OOSP4B: variants seen among roughly 807,000 people sequenced by gnomAD.
OOSP4B encodes the protein oocyte secreted protein family member 4B.
At chr11:60,018,684 C>G (rs1413313841) in intron 1 of OOSP4B, among the ~76,000 whole-genome samples, 1 of 152,200 alleles carries the variant, frequency 6.6e-6, no homozygotes, top group African/African-American at 2.4e-5. Flanking sequence ...TATCAAATCT[C>G]AAACCTGCGA....
At chr11:60,020,721 G>A (rs1250987164) in intron 1 of OOSP4B, among the ~76,000 whole-genome samples, 4 of 152,366 alleles carry the variant, frequency 2.6e-5, no homozygotes, top group Admixed American at 6.5e-5. Context: ...CGCCAAGGCC[G>A]AGGAGGCGTG....
chr11:60,030,313 G>A (rs1025758997), intron 4 of OOSP4B, among the ~76,000 whole-genome samples: 1 of 152,116 alleles, frequency 6.6e-6, no homozygotes, highest in African/African-American at 2.4e-5. Context: ...TAGGCAGATA[G>A]GTAAACTAGG....
intron 1 of OOSP4B, chr11:60,019,513 C>T (rs555916121): frequency 4.6e-4 from 71 of 155,838 alleles, no homozygotes; most frequent in Middle Eastern, 3.1e-3. Flanking sequence ...CGGATGTGTT[C>T]GGCGTTTTCT....
intron 2 of OOSP4B, 59 bp downstream of exon 2, chr11:60,024,120 T>G: frequency 2.5e-6 from 1 of 398,270 alleles, no homozygotes; most frequent in Admixed American, 4.4e-5. Flanking sequence ...CAGGGCTACA[T>G]AGTATCAAAA....
intron 1 of OOSP4B, chr11:60,021,571 C>T (rs1784805095): frequency 6.6e-6 from 1 of 152,182 alleles, no homozygotes; most frequent in Non-Finnish European, 1.5e-5. Flanking sequence ...GGGCCAGCCA[C>T]GTTATGTACC....
At chr11:60,021,658 C>T (rs2134623813) in intron 1 of OOSP4B, 1 of 152,270 alleles carries the variant, frequency 6.6e-6, no homozygotes, top group African/African-American at 2.4e-5. Flanking sequence ...ATTATCTGTC[C>T]TATCTCAGGT....
At chr11:60,028,484 G>A (rs1007871314) in intron 3 of OOSP4B, among the ~76,000 whole-genome samples, 2 of 152,092 alleles carry the variant, frequency 1.3e-5, no homozygotes, top group Non-Finnish European at 2.9e-5. Context: ...CTGCTTTTAT[G>A]CAATGTAAAT....
At chr11:60,029,375 C>T (rs865903457) in intron 3 of OOSP4B, among the ~76,000 whole-genome samples, 9 of 152,100 alleles carry the variant, frequency 5.9e-5, no homozygotes, top group South Asian at 4.1e-4. Flanking sequence ...GTCTCTATTT[C>T]CTGCCTAAGA....
Position 60,017,238 on chromosome 11 carries a change from A to G in OOSP4B, c.-154A>G, listed in dbSNP as rs962129385. ...TGCAGCTACTGCCAGCTGATGGGCC[A>G]TGTTTTGAGAAGATGCTAAGGGGTT... On this transcript the variant is annotated 5_prime_UTR_variant, in exon 1 of 5. The change abolishes an upstream ATG in the 5' untranslated region. Transcript: ENST00000642343. The G allele has an allele frequency of 2.5e-5, 10 of 396,384 alleles. No homozygotes were observed. Among genetic ancestry groups the G allele is most frequent in the African/African-American group, 8.2e-5 (4 of 48,626 alleles). 24.6% of individuals were successfully genotyped at this position (396,384 alleles called of 1,614,324 possible).
At chr11:60,030,888 C>T (rs1357434713) in exon 5 of OOSP4B, 4 of 398,090 alleles carry the variant, frequency 1.0e-5, no homozygotes, top group Admixed American at 4.4e-5. Context: ...AGTGATACAT[C>T]TTGTCTGAAA....
At position 60,030,788 on chromosome 11, in the gene OOSP4B, C is replaced by G. The variant is rs748335466; in HGVS notation, c.451-14C>G. 2.0e-5 allele frequency: 8 copies of G among 398,022 alleles called. No homozygotes were observed. The Middle Eastern group carries it at 1.9e-3, about 94-fold the overall frequency. 24.7% of individuals were successfully genotyped at this position (398,022 alleles called of 1,614,324 possible). ...TTAAGCAGCTCTTAACTGCTTTTCCCCCCTATCCTACAGGAGCAACTATCC... is the reference window on the plus strand; with the variant it reads ...TTAAGCAGCTCTTAACTGCTTTTCCGCCCTATCCTACAGGAGCAACTATCC... On this transcript the variant is annotated splice_polypyrimidine_tract_variant and intron_variant, in intron 4 of 4. Coordinates refer to ENST00000642343, the Ensembl canonical transcript of OOSP4B.
chr11:60,024,906 A>T lies in OOSP4B; in HGVS notation c.205-2A>T. The T allele has an allele frequency of 2.5e-6, 1 of 398,326 alleles. No homozygotes were observed. Among genetic ancestry groups the T allele is most frequent in the Admixed American group, 4.4e-5 (1 of 22,724 alleles). The allele number at this position is 398,326 out of a possible 1,614,324, so 24.7% of individuals were successfully genotyped here. A position where few individuals can be genotyped will look rare whatever the true frequency, so the allele number is the denominator to read the frequency against. On this transcript the variant is annotated splice_acceptor_variant, in intron 2 of 4. Transcript: ENST00000642343. LOFTEE classifies it high-confidence loss of function. ...TAGTATTAAAACTCTCAATTGTTTC[A>T]GATGTTCCAAACAAATGATGACGCC...
chr11:60,018,870 T>C (rs509324), intron 1 of OOSP4B, among the ~76,000 whole-genome samples: 2 of 152,050 alleles, frequency 1.3e-5, no homozygotes, highest in Non-Finnish European at 2.9e-5. Flanking sequence ...AAGTGTACTT[T>C]AGTCACATTA....
intron 3 of OOSP4B, among the ~76,000 whole-genome samples, chr11:60,025,301 G>A (rs1052165001): frequency 6.6e-5 from 10 of 152,212 alleles, no homozygotes; most frequent in East Asian, 5.8e-4. Flanking sequence ...TTCAGCATGC[G>A]TATCATGAAT....
chr11:60,026,571 C>T (rs1854747900), intron 3 of OOSP4B, among the ~76,000 whole-genome samples: 1 of 152,136 alleles, frequency 6.6e-6, no homozygotes, highest in African/African-American at 2.4e-5. Flanking sequence ...AACAAATTCT[C>T]ACTATATCCT....
At chr11:60,017,821 A>G (rs546875270) in intron 1 of OOSP4B, among the ~76,000 whole-genome samples, 21 of 152,284 alleles carry the variant, frequency 1.4e-4, no homozygotes, top group Non-Finnish European at 2.6e-4. Context: ...GTTTCTGGGG[A>G]GGATTACAGG....
At chr11:60,021,091 A>G (rs1305692063) in intron 1 of OOSP4B, among the ~76,000 whole-genome samples, 1 of 152,204 alleles carries the variant, frequency 6.6e-6, no homozygotes, top group Non-Finnish European at 1.5e-5. Flanking sequence ...CCTCTCATCT[A>G]TCCTTCTCTT....
At chr11:60,024,350 G>A (rs1344460948) in intron 2 of OOSP4B, among the ~76,000 whole-genome samples, 2 of 152,186 alleles carry the variant, frequency 1.3e-5, no homozygotes, top group Non-Finnish European at 2.9e-5. Context: ...GACCAACCTG[G>A]TCAACATGGT....
At chr11:60,022,520 C>A (rs1181900267) in intron 1 of OOSP4B, among the ~76,000 whole-genome samples, 1 of 152,190 alleles carries the variant, frequency 6.6e-6, no homozygotes, top group East Asian at 1.9e-4. Flanking sequence ...TCCCAAAAAG[C>A]ATGTATCAAG....
Sources: gnomAD v4.1 joint callset for allele counts (sites outside exome capture counted in the v4.1 genomes callset) on GRCh38, gnomAD v4.1.1 for gene constraint, MANE v1.5 for transcripts, NCBI Gene and HGNC (gene_info 2026-07-23, HGNC 2026-07-21) for gene names.